CDC27: variants seen among roughly 807,000 people sequenced by gnomAD.
CDC27 encodes cell division cycle 27, also known as cell division cycle protein 27 homolog.
CDC27 carries 27 observed loss-of-function variants against 109.7 expected under a neutral mutation model. That is an observed-to-expected ratio of 0.25 (90% CI 0.18 to 0.34). CDC27 has a LOEUF of 0.34. Among genes scored for constraint, CDC27 ranks in the 10% least tolerant of loss-of-function variants. The pLI is 1.00. For missense variants in CDC27, 579 were observed against 960.2 expected, an observed-to-expected ratio of 0.60 and a Z score of 5.25; for synonymous variants, 266 against 333.9, an observed-to-expected ratio of 0.80 and a Z score of 2.22.
intron 1 of CDC27, among the ~76,000 whole-genome samples, chr17:47,184,474 A>T (rs1170928140): frequency 2.0e-5 from 3 of 152,192 alleles, no homozygotes; most frequent in Non-Finnish European, 2.9e-5. Flanking sequence ...TTTCACACAC[A>T]TATACTAAAG....
At chr17:47,159,634 C>A in intron 4 of CDC27, 1 of 457,266 alleles carries the variant, frequency 2.2e-6, no homozygotes, top group Non-Finnish European at 4.0e-6. Context: ...TGGCAGTGGC[C>A]ACCTCCTTGG....
intron 1 of CDC27, among the ~76,000 whole-genome samples, chr17:47,188,044 T>C (rs996121796): frequency 1.3e-5 from 2 of 152,348 alleles, no homozygotes; most frequent in African/African-American, 2.4e-5. Flanking sequence ...GAGTATTTCA[T>C]GCTGTTTAGA....
At chr17:47,176,181 G>T (rs1019884354) in intron 2 of CDC27, among the ~76,000 whole-genome samples, 1 of 151,790 alleles carries the variant, frequency 6.6e-6, no homozygotes, top group African/African-American at 2.4e-5. Context: ...ATTAATGCAG[G>T]GGGTACATAA....
chr17:47,140,078 G>A (rs1373437439), intron 12 of CDC27: 1 of 152,108 alleles, frequency 6.6e-6, no homozygotes, highest in Non-Finnish European at 1.5e-5. Context: ...CAGAAAATAA[G>A]AGCATTTTAA....
intron 9 of CDC27, among the ~76,000 whole-genome samples, chr17:47,147,393 C>A (rs1049726116): frequency 6.9e-6 from 1 of 145,154 alleles, no homozygotes; most frequent in Non-Finnish European, 1.5e-5. Flanking sequence ...AGCGAAACTC[C>A]GTCTCAAAAA....
At chr17:47,175,498 T>C (rs182908145) in intron 2 of CDC27, among the ~76,000 whole-genome samples, 1 of 152,326 alleles carries the variant, frequency 6.6e-6, no homozygotes, top group East Asian at 1.9e-4. Flanking sequence ...TGGAACTTTT[T>C]ATGATTTGTG....
At chr17:47,184,721 A>G (rs942110200) in intron 1 of CDC27, among the ~76,000 whole-genome samples, 3 of 152,190 alleles carry the variant, frequency 2.0e-5, no homozygotes, top group Non-Finnish European at 4.4e-5. Flanking sequence ...CGCTTTGCTC[A>G]ATCAATTCTA....
At chr17:47,163,762 T>C (rs768777498) in intron 4 of CDC27, among the ~76,000 whole-genome samples, 3 of 152,134 alleles carry the variant, frequency 2.0e-5, no homozygotes, top group Non-Finnish European at 2.9e-5. Context: ...ATAAGATTAT[T>C]TGTTTCTTTT....
intron 15 of CDC27, among the ~76,000 whole-genome samples, chr17:47,131,063 A>C (rs547047478): frequency 3.9e-5 from 6 of 152,196 alleles, no homozygotes; most frequent in Admixed American, 2.6e-4. Context: ...GAGACCCTAA[A>C]TACTAGTTCC....
intron 6 of CDC27, 32 bp downstream of exon 6, chr17:47,157,198 A>C: frequency 1.3e-6 from 2 of 1,583,070 alleles, no homozygotes; most frequent in Non-Finnish European, 1.7e-6. Flanking sequence ...AGTTTTCATA[A>C]TATTTTGAAC....
chr17:47,151,977 A>T (rs1181343281), intron 8 of CDC27, 59 bp from the exon 9 acceptor site: 2 of 1,493,650 alleles, frequency 1.3e-6, no homozygotes. Flanking sequence ...AAATGATAAA[A>T]GACAACACAA....
chr17:47,133,018 TATATATATATAC>T (rs1220392928), intron 14 of CDC27, among the ~76,000 whole-genome samples: 1,922 of 47,072 alleles, frequency 0.041, 32 homozygotes, highest in Admixed American at 0.068. Context: ...TATATATATA[TATATATATATAC>T]ACACACACAC....
At chr17:47,177,314 C>T (rs1005502285) in intron 2 of CDC27, among the ~76,000 whole-genome samples, 4 of 152,144 alleles carry the variant, frequency 2.6e-5, no homozygotes, top group African/African-American at 9.7e-5. Context: ...CAGTGGCTCC[C>T]GCCTGTATTC....
chr17:47,122,604 A>G lies in CDC27; in HGVS notation c.2236-4T>C. ...TTTGACCTAACTTCTTGTAAACCTA[A>G]AAATAAACAGCAGCACTACATTTTT... On this transcript the variant is annotated splice_polypyrimidine_tract_variant and splice_region_variant and intron_variant, in intron 17 of 18. Coordinates refer to ENST00000066544, the MANE Select transcript of CDC27 (RefSeq NM_001256.6). 6.4e-7 allele frequency: 1 copy of G among 1,572,360 alleles called. No individual in the cohort carries two copies. Among genetic ancestry groups the G allele is most frequent in the Admixed American group, 1.8e-5 (1 of 54,820 alleles).
At chr17:47,142,482 A>C in intron 10 of CDC27, 46 bp from the exon 11 acceptor site, 4 of 739,532 alleles carry the variant, frequency 5.4e-6, no homozygotes, top group Admixed American at 2.7e-5. Context: ...CATGTATTTT[A>C]GATTTCTCCT....
At chr17:47,148,476 AG>A (rs2063048994) in intron 9 of CDC27, among the ~76,000 whole-genome samples, 1 of 152,160 alleles carries the variant, frequency 6.6e-6, no homozygotes, top group Non-Finnish European at 1.5e-5. Context: ...GGAGTCCCAG[AG>A]GGAGAGGGTA....
intron 9 of CDC27, among the ~76,000 whole-genome samples, chr17:47,147,027 T>C (rs949484143): frequency 2.0e-5 from 3 of 152,150 alleles, no homozygotes; most frequent in Admixed American, 2.0e-4. Context: ...CACACCACTG[T>C]ACTCTAGCCT....
At chr17:47,142,164 A>G (rs557960814) in intron 11 of CDC27, 65 bp downstream of exon 11, 2 of 1,182,536 alleles carry the variant, frequency 1.7e-6, no homozygotes, top group African/African-American at 3.1e-5. Flanking sequence ...AATGAACATA[A>G]AGAAATTTAC....
At chr17:47,134,480 T>TTG (rs1568377717) in intron 14 of CDC27, among the ~76,000 whole-genome samples, 1 of 151,438 alleles carries the variant, frequency 6.6e-6, no homozygotes, top group Non-Finnish European at 1.5e-5. Flanking sequence ...AATTGTTTTT[T>TTG]TTTTGTTTTG....
Sources: gnomAD v4.1 joint callset for allele counts (sites outside exome capture counted in the v4.1 genomes callset) on GRCh38, gnomAD v4.1.1 for gene constraint, MANE v1.5 for transcripts, NCBI Gene and HGNC (gene_info 2026-07-23, HGNC 2026-07-21) for gene names.